The following ATP8B1 variants were observed in gnomAD, a reference collection of about 807,000 sequenced individuals.
ATP8B1 encodes phospholipid-transporting ATPase IC.
In ATP8B1, 80 loss-of-function variants were observed where a neutral mutation model predicts 149.9. The ratio of observed to expected loss-of-function variants is 0.53; its 90% CI spans 0.45 to 0.64. The LOEUF (loss-of-function observed/expected upper bound fraction) is 0.64, where lower values mean the gene tolerates loss of function less well. Ranked by LOEUF, ATP8B1 falls within the 30% of genes least tolerant of loss-of-function variation. ATP8B1 has a pLI of 0.00. For synonymous variants in ATP8B1, 536 were observed against 562.8 expected (o/e 0.95, Z 0.67); for missense variants, 1,247 against 1,552.6 (o/e 0.80, Z 3.31).
At chr18:57,720,746 C>G (rs1354322967) in intron 2 of ATP8B1, among the ~76,000 whole-genome samples, 1 of 139,136 alleles carries the variant, frequency 7.2e-6, no homozygotes, top group South Asian at 2.5e-4. Flanking sequence ...ATACAGAGAA[C>G]GCCACAAAGA....
In ATP8B1 at chr18:57,669,316, A is replaced by G. The variant is rs387906381; in HGVS notation, c.2097+2T>C. 8 of 1,595,424 alleles carry G rather than the reference A, an allele frequency of 5.0e-6. No homozygotes were observed. Among genetic ancestry groups the G allele is most frequent in the Non-Finnish European group, 6.8e-6 (8 of 1,173,686 alleles). On this transcript the variant is annotated splice_donor_variant, in intron 18 of 27. Coordinates refer to ENST00000648908, the MANE Select transcript of ATP8B1 (RefSeq NM_001374385.1). LOFTEE classifies it high-confidence loss of function. ...GAAAAAGTTATTAAGGCTAAAACTC[A>G]CAATTAAGTCTTTTTCAATCTCCTC...
In ATP8B1 at chr18:57,681,591, A is replaced by G. The variant is rs982140907; in HGVS notation, c.1630+2445T>C. On this transcript the variant is annotated intron_variant, in intron 15 of 27. Transcript: ENST00000648908. Reference sequence around the variant, plus strand: ...TGAGGTGGGCAGATCACCTGAAATCAGGAGTTGGAGACCAGCCTGGCCAAC... The same window carrying G: ...TGAGGTGGGCAGATCACCTGAAATCGGGAGTTGGAGACCAGCCTGGCCAAC... Among the ~76,000 whole-genome samples, 6 of 152,128 alleles carry G rather than the reference A, an allele frequency of 3.9e-5. 1 individual carries two copies. The highest frequency in any genetic ancestry group is 5.9e-5 in the Non-Finnish European group (4 of 68,040).
chr18:57,706,586 T>C lies in ATP8B1; in HGVS notation c.183A>G (p.Glu61=). Residue 61 remains glutamate, a splice_region_variant and synonymous_variant, in exon 3 of 28, where the codon GAA becomes GAG. Coordinates refer to ENST00000648908, the MANE Select transcript of ATP8B1 (RefSeq NM_001374385.1). ...AEENREPFRK[E]CTWQVKANDR... Reference sequence around the variant, plus strand: ...CGTTTGCTTTGACTTGCCATGTACATTCTTTAAAAAAAAGGGAGAAAAGTT... The same window carrying C: ...CGTTTGCTTTGACTTGCCATGTACACTCTTTAAAAAAAAGGGAGAAAAGTT... The C allele has an allele frequency of 1.2e-6, 2 of 1,612,852 alleles. No homozygotes were observed. Among genetic ancestry groups the C allele is most frequent in the Non-Finnish European group, 1.7e-6 (2 of 1,179,240 alleles).
chr18:57,690,387 T>C (rs1290133284), intron 12 of ATP8B1, among the ~76,000 whole-genome samples: 1 of 152,156 alleles, frequency 6.6e-6, no homozygotes, highest in East Asian at 1.9e-4. Context: ...AGGTTTGAAG[T>C]CAAAGCAGAG....
rs185627093 is a variant in ATP8B1, at chr18:57,664,586, A to T, written c.2286-1971T>A. ...GTTTGTTAGGAATAAACTTATTTTC[A>T]TATAAACAAAACTATATCTGTGTTT... is the stretch of plus-strand genomic sequence containing the variant. On this transcript the variant is annotated intron_variant, in intron 20 of 27. Coordinates refer to ENST00000648908, the MANE Select transcript of ATP8B1 (RefSeq NM_001374385.1). Among the ~76,000 whole-genome samples, 658 of 151,774 alleles carry T rather than the reference A, an allele frequency of 4.3e-3. 4 individuals carry two copies. The highest frequency in any genetic ancestry group is 0.021 in the South Asian group (103 of 4,798).
chr18:57,792,485 GA>G (rs2080473150), intron 1 of ATP8B1, among the ~76,000 whole-genome samples: 1 of 152,024 alleles, frequency 6.6e-6, no homozygotes, highest in Admixed American at 6.6e-5. Flanking sequence ...AGTGTAAAAA[GA>G]TGATCACAAA....
chr18:57,699,530 A>G (rs1330180010), intron 6 of ATP8B1, among the ~76,000 whole-genome samples: 1 of 151,618 alleles, frequency 6.6e-6, no homozygotes, highest in Admixed American at 6.6e-5. Context: ...AGGTCAGGAG[A>G]TTAAGACCAC....
intron 1 of ATP8B1, among the ~76,000 whole-genome samples, chr18:57,733,239 G>A (rs1481502183): frequency 6.6e-6 from 1 of 152,118 alleles, no homozygotes; most frequent in African/African-American, 2.4e-5. Context: ...ACAGCAGCTC[G>A]CATTTATTTT....
chr18:57,749,669 CT>C (rs1209068084), intron 1 of ATP8B1, among the ~76,000 whole-genome samples: 2 of 152,168 alleles, frequency 1.3e-5, no homozygotes, highest in African/African-American at 4.8e-5. Flanking sequence ...TCATTGTCCC[CT>C]GTAGGTCTAG....
intron 2 of ATP8B1, among the ~76,000 whole-genome samples, chr18:57,713,191 C>CTTTCTTTA (rs1568207469): frequency 3.5e-5 from 3 of 85,594 alleles, no homozygotes; most frequent in Non-Finnish European, 7.3e-5. Flanking sequence ...TTCTTTCTTT[C>CTTTCTTTA]TTTCTTTCCT....
chr18:57,713,132 G>T (rs1195148623), intron 2 of ATP8B1, among the ~76,000 whole-genome samples: 7 of 151,308 alleles, frequency 4.6e-5, no homozygotes, highest in African/African-American at 1.7e-4. Flanking sequence ...AAATTAAAGG[G>T]TGCTTTGTCT....
Position 57,802,191 on chromosome 18 carries a change from G to C in ATP8B1, c.-26+807C>G, listed in dbSNP as rs1168180075. Among the ~76,000 whole-genome samples, 1 of 152,078 alleles carries C rather than the reference G, an allele frequency of 6.6e-6. No homozygotes were observed. Among genetic ancestry groups the C allele is most frequent in the African/African-American group, 2.4e-5 (1 of 41,402 alleles). On this transcript the variant is annotated intron_variant, in intron 1 of 27. Coordinates refer to ENST00000648908, the MANE Select transcript of ATP8B1 (RefSeq NM_001374385.1). The surrounding 1 kb of genome is among the most constrained non-coding windows in gnomAD (Gnocchi z 4.9). Reference sequence around the variant, plus strand: ...GGAGTTGGAGAAGTGGGGGCGAGGGGTGTTAAAGCACTGGGCCATTCTCTG... The same window carrying C: ...GGAGTTGGAGAAGTGGGGGCGAGGGCTGTTAAAGCACTGGGCCATTCTCTG...
chr18:57,661,713 A>ATTT (rs759201755), intron 21 of ATP8B1, among the ~76,000 whole-genome samples: 10 of 92,672 alleles, frequency 1.1e-4, no homozygotes, highest in South Asian at 3.8e-4. Flanking sequence ...ATATATATAT[A>ATTT]TTTTTTTTTT....
intron 7 of ATP8B1, 39 bp downstream of exon 7, chr18:57,697,756 G>T (rs754217411): frequency 3.1e-6 from 5 of 1,612,292 alleles, no homozygotes; most frequent in Non-Finnish European, 8.5e-7. Flanking sequence ...GGGGCTGGGG[G>T]AGAACAAGGA....
chr18:57,756,305 A>ATTTTACACAACATATATATATG lies in ATP8B1; in HGVS notation c.-25-24474_-25-24473insCATATATATATGTTGTGTAAAA, dbSNP rs1555653788. Among the ~76,000 whole-genome samples the ATTTTACACAACATATATATATG allele has an allele frequency of 1.5e-4, 16 of 106,126 alleles. 2 individuals are homozygous for ATTTTACACAACATATATATATG. The East Asian group carries it at 3.7e-3, about 24-fold the overall frequency. 69.6% of individuals were successfully genotyped at this position (106,126 alleles called of 152,430 possible). A position where few individuals can be genotyped will look rare whatever the true frequency, so the allele number is the denominator to read the frequency against. On this transcript the variant is annotated intron_variant, in intron 1 of 27. Coordinates refer to ENST00000648908, the MANE Select transcript of ATP8B1 (RefSeq NM_001374385.1). ...CATATATATGTGTGTGTGTATGTATATATATATATATTTGAGACTGAGTTT... is the reference window on the plus strand; with the variant it reads ...CATATATATGTGTGTGTGTATGTATATTTTACACAACATATATATATGTATATATATATTTGAGACTGAGTTT...
chr18:57,664,583 T>G (rs539442585), intron 20 of ATP8B1, among the ~76,000 whole-genome samples: 8 of 152,330 alleles, frequency 5.3e-5, no homozygotes, highest in African/African-American at 1.9e-4. Flanking sequence ...TAAACTTATT[T>G]TCATATAAAC....
intron 1 of ATP8B1, among the ~76,000 whole-genome samples, chr18:57,768,296 A>C (rs1599217216): frequency 6.7e-6 from 1 of 149,998 alleles, no homozygotes; most frequent in South Asian, 2.1e-4. Context: ...CTGAGGCAGG[A>C]AAATTGCTTG....
intron 2 of ATP8B1, among the ~76,000 whole-genome samples, chr18:57,714,731 T>C (rs550483853): frequency 6.6e-6 from 1 of 152,298 alleles, no homozygotes; most frequent in African/African-American, 2.4e-5. Flanking sequence ...AAATGCAGCG[T>C]TATTGAGCTT....
intron 1 of ATP8B1, among the ~76,000 whole-genome samples, chr18:57,791,258 C>A (rs2080460866): frequency 6.6e-6 from 1 of 152,048 alleles, no homozygotes; most frequent in Non-Finnish European, 1.5e-5. Context: ...TGTCCTTTTG[C>A]ATCTCATTTA....
Sources: allele counts gnomAD v4.1 joint callset (sites outside exome capture counted in the v4.1 genomes callset), GRCh38; gene constraint gnomAD v4.1.1; non-coding constraint Gnocchi (gnomAD v3.1); transcripts MANE v1.5; gene names NCBI Gene and HGNC (gene_info 2026-07-23, HGNC 2026-07-21).